Variants in APH1B observed in about 807,000 individuals in gnomAD.
The protein encoded by APH1B is aph-1B gamma-secretase subunit.
A neutral mutation model predicts 28.2 loss-of-function variants in APH1B; 27 were observed. The ratio of observed to expected loss-of-function variants is 0.96; its 90% confidence interval spans 0.70 to 1.32. APH1B has a LOEUF of 1.32. Ranked by LOEUF, APH1B falls within the 40% of genes most tolerant of loss-of-function variation. The pLI, the probability that APH1B is intolerant of heterozygous loss-of-function variation, is 0.00. For synonymous variants in APH1B, 141 were observed against 124.6 expected (o/e 1.13, Z -0.88); for missense variants, 305 against 313.6 (o/e 0.97, Z 0.21).
intron 5 of APH1B, among the ~76,000 whole-genome samples, chr15:63,303,657 G>C (rs964901621): frequency 6.6e-6 from 1 of 152,056 alleles, no homozygotes; most frequent in African/African-American, 2.4e-5. Flanking sequence ...CGTCATGCCT[G>C]GCTAACTTTT....
intron 4 of APH1B, among the ~76,000 whole-genome samples, chr15:63,299,811 A>G (rs1259928271): frequency 2.0e-5 from 3 of 152,012 alleles, no homozygotes; most frequent in Non-Finnish European, 1.5e-5. Context: ...GTCGCAAAGA[A>G]AGAACATCCA....
chr15:63,298,534 C>G (rs951583266), intron 4 of APH1B, among the ~76,000 whole-genome samples: 12 of 152,116 alleles, frequency 7.9e-5, no homozygotes, highest in East Asian at 1.9e-4. Context: ...AAGACATAGT[C>G]AAGTACCCAG....
Position 63,277,650 on chromosome 15 carries a change from C to CGCCTTCATT in APH1B, c.34_42dup (p.Ile12_Phe14dup). 4 of 1,600,716 alleles carry CGCCTTCATT rather than the reference C, an allele frequency of 2.5e-6. No homozygotes were observed. Among genetic ancestry groups the CGCCTTCATT allele is most frequent in the Non-Finnish European group, 2.6e-6 (3 of 1,174,106 alleles). On this transcript the variant is annotated inframe_insertion, in exon 1 of 6. Coordinates refer to ENST00000261879, the MANE Select transcript of APH1B (RefSeq NM_031301.4). The stretch of plus-strand genomic sequence containing the variant: ...TGACTGCGGCCGTGTTCTTCGGCTG[C>CGCCTTCATT]GCCTTCATTGCCTTCGGGCCTGCGC...
intron 4 of APH1B, among the ~76,000 whole-genome samples, chr15:63,301,055 C>A (rs2038622025): frequency 6.6e-6 from 1 of 152,226 alleles, no homozygotes; most frequent in South Asian, 2.1e-4. Context: ...TCAGAATCAC[C>A]TGGAGGGCTG....
chr15:63,303,377 A>G (rs781118464), intron 5 of APH1B, among the ~76,000 whole-genome samples: 14 of 152,160 alleles, frequency 9.2e-5, no homozygotes, highest in Non-Finnish European at 1.8e-4. Context: ...TCTGGCTCCT[A>G]TTGCTCAGCA....
At chr15:63,279,459 C>T (rs762616325) in intron 2 of APH1B, 128 bp downstream of exon 2, 5 of 748,724 alleles carry the variant, frequency 6.7e-6, no homozygotes, top group Admixed American at 7.2e-5. Flanking sequence ...GAGATTGGTA[C>T]ATTTCCAGCC....
intron 2 of APH1B, among the ~76,000 whole-genome samples, chr15:63,280,633 G>A (rs545324520): frequency 6.6e-6 from 1 of 152,262 alleles, no homozygotes; most frequent in African/African-American, 2.4e-5. Context: ...TTGCTTAGAA[G>A]CAAAAATCAT....
chr15:63,303,874 A>AAC (rs113837395), intron 5 of APH1B, among the ~76,000 whole-genome samples: 26,446 of 145,356 alleles, frequency 0.18, 2,593 homozygotes, highest in East Asian at 0.34. Flanking sequence ...ACACACACAC[A>AAC]ACACACACAC....
At chr15:63,302,990 T>C (rs919369449) in intron 5 of APH1B, among the ~76,000 whole-genome samples, 4 of 152,230 alleles carry the variant, frequency 2.6e-5, no homozygotes, top group African/African-American at 4.8e-5. Context: ...GTATATTGAA[T>C]AGTTGATACT....
intron 4 of APH1B, among the ~76,000 whole-genome samples, chr15:63,299,230 AG>A (rs1410663355): frequency 6.6e-6 from 1 of 152,088 alleles, no homozygotes; most frequent in Non-Finnish European, 1.5e-5. Context: ...TTGGAGGCAA[AG>A]TCAATCCATC....
intron 4 of APH1B, among the ~76,000 whole-genome samples, chr15:63,293,058 T>C (rs1375263291): frequency 6.6e-6 from 1 of 152,260 alleles, no homozygotes; most frequent in Non-Finnish European, 1.5e-5. Flanking sequence ...TGACTTGCAC[T>C]TCTCCATTCT....
intron 4 of APH1B, among the ~76,000 whole-genome samples, chr15:63,296,511 G>A (rs2038569760): frequency 6.6e-6 from 1 of 152,166 alleles, no homozygotes; most frequent in Non-Finnish European, 1.5e-5. Flanking sequence ...GCTGTCTTAG[G>A]CCATTAGCTT....
intron 5 of APH1B, among the ~76,000 whole-genome samples, chr15:63,302,820 G>A (rs984844715): frequency 2.0e-5 from 3 of 151,982 alleles, no homozygotes; most frequent in Non-Finnish European, 2.9e-5. Flanking sequence ...CCTAGCTCTC[G>A]TATAACACAT....
chr15:63,286,259 G>A (rs1356817995), intron 2 of APH1B, among the ~76,000 whole-genome samples: 1 of 152,230 alleles, frequency 6.6e-6, no homozygotes, highest in Non-Finnish European at 1.5e-5. Flanking sequence ...TCAGCAAGCA[G>A]TTGAAAGTGT....
chr15:63,284,681 T>C (rs1443935681), intron 2 of APH1B, among the ~76,000 whole-genome samples: 1 of 152,244 alleles, frequency 6.6e-6, no homozygotes, highest in Non-Finnish European at 1.5e-5. Context: ...GTGCAGTCCA[T>C]TGTTGACTGA....
chr15:63,295,676 C>T (rs986748241), intron 4 of APH1B, among the ~76,000 whole-genome samples: 3 of 152,174 alleles, frequency 2.0e-5, no homozygotes, highest in South Asian at 2.1e-4. Flanking sequence ...GCCAGAAGCA[C>T]CCCTGTCCCC....
At chr15:63,294,954 T>C (rs1277224523) in intron 4 of APH1B, among the ~76,000 whole-genome samples, 1 of 152,250 alleles carries the variant, frequency 6.6e-6, no homozygotes. Flanking sequence ...GCACCCTTCC[T>C]CATCTCAGTT....
chr15:63,298,507 G>A (rs1204101758), intron 4 of APH1B, among the ~76,000 whole-genome samples: 1 of 152,152 alleles, frequency 6.6e-6, no homozygotes, highest in Non-Finnish European at 1.5e-5. Context: ...ACTGTGCCTG[G>A]CCAGGAATGC....
rs1468180788 is a variant in APH1B, at chr15:63,305,608, T to C, written c.607-6T>C. ...TTACCCAAGCTGATTTATTTTTCTTTTGCAGACCTTCATAAGTTCTTATTA... is the reference window on the plus strand; with the variant it reads ...TTACCCAAGCTGATTTATTTTTCTTCTGCAGACCTTCATAAGTTCTTATTA... On this transcript the variant is annotated splice_region_variant and splice_polypyrimidine_tract_variant and intron_variant, in intron 5 of 5. Transcript: ENST00000261879. 1.9e-6 allele frequency: 3 copies of C among 1,613,916 alleles called. No homozygotes were observed. The Admixed American group carries it at 5.0e-5, about 27-fold the overall frequency.
Sources: gnomAD v4.1 joint callset for allele counts (sites outside exome capture counted in the v4.1 genomes callset) on GRCh38, gnomAD v4.1.1 for gene constraint, MANE v1.5 for transcripts, NCBI Gene and HGNC (gene_info 2026-07-23, HGNC 2026-07-21) for gene names.